The following ALK variants were observed in gnomAD, a reference collection of about 807,000 sequenced individuals.
ALK encodes the protein ALK tyrosine kinase receptor.
Under a neutral mutation model 163.1 loss-of-function variants are expected in ALK, and 74 were observed. That is an observed-to-expected ratio of 0.45 (90% CI 0.38 to 0.55). The LOEUF is 0.55. Among genes scored for constraint, ALK ranks in the 20% least tolerant of loss-of-function variants. The probability of loss-of-function intolerance (pLI) is 0.00; values close to 1 mark genes in which losing one functional copy is unlikely to be tolerated. For synonymous variants in ALK, 960 were observed against 843.2 expected, an observed-to-expected ratio of 1.14 and a Z score of -2.40; for missense variants, 2,063 against 2,105.3, an observed-to-expected ratio of 0.98 and a Z score of 0.39.
chr2:29,706,100 C>A (rs1000232458), intron 2 of ALK, among the ~76,000 whole-genome samples: 12 of 152,210 alleles, frequency 7.9e-5, no homozygotes, highest in African/African-American at 2.9e-4. Flanking sequence ...GTCACTTAAG[C>A]TTTCCAGACC....
chr2:29,499,853 G>C (rs1166519758), intron 4 of ALK, among the ~76,000 whole-genome samples: 1 of 151,992 alleles, frequency 6.6e-6, no homozygotes, highest in Non-Finnish European at 1.5e-5. Flanking sequence ...CCTTTCTCTT[G>C]TCACCCTTGC....
rs186582392 is a variant in ALK, at chr2:29,514,670, C to T, written c.1154+17245G>A. Among the ~76,000 whole-genome samples the T allele has an allele frequency of 1.0e-3, 158 of 152,298 alleles. 1 individual carries two copies. Among genetic ancestry groups the T allele is most frequent in the African/African-American group, 3.4e-3 (142 of 41,564 alleles). ...ACTTTTCTCTCCACACATGTGCCTC[C>T]GTCATTTTTGCCTGTTTTGGTGAAT... On this transcript the variant is annotated intron_variant, in intron 4 of 28. Transcript: ENST00000389048.
intron 4 of ALK, among the ~76,000 whole-genome samples, chr2:29,447,351 C>G (rs905297523): frequency 1.3e-5 from 2 of 152,150 alleles, no homozygotes; most frequent in African/African-American, 4.8e-5. Flanking sequence ...ATCACAGTAT[C>G]TGGGTAAGAC....
At chr2:29,916,948 G>A (rs557829707) in intron 1 of ALK, among the ~76,000 whole-genome samples, 1 of 152,234 alleles carries the variant, frequency 6.6e-6, no homozygotes, top group East Asian at 1.9e-4. Flanking sequence ...GGTGAATTTG[G>A]GATCTGCCTC....
intron 8 of ALK, among the ~76,000 whole-genome samples, chr2:29,312,661 T>C (rs1212750596): frequency 6.6e-6 from 1 of 152,206 alleles, no homozygotes; most frequent in African/African-American, 2.4e-5. Context: ...CCCAACATTA[T>C]GTCCTCCTGG....
intron 1 of ALK, among the ~76,000 whole-genome samples, chr2:29,810,954 A>G (rs1664743677): frequency 6.6e-6 from 1 of 152,110 alleles, no homozygotes; most frequent in Non-Finnish European, 1.5e-5. Flanking sequence ...GCTGTCTGCA[A>G]GCCAGGAAGA....
chr2:29,382,011 C>T (rs962929142), intron 5 of ALK, among the ~76,000 whole-genome samples: 24 of 152,186 alleles, frequency 1.6e-4, no homozygotes, highest in African/African-American at 3.6e-4. Context: ...TGACCACAGG[C>T]GGTCTGACCC....
chr2:29,671,822 C>T (rs372837468), intron 3 of ALK, among the ~76,000 whole-genome samples: 62 of 152,124 alleles, frequency 4.1e-4, no homozygotes, highest in African/African-American at 1.4e-3. Context: ...GTAAAACCAG[C>T]TTGCTTCTAC....
intron 7 of ALK, among the ~76,000 whole-genome samples, 177 bp from the exon 8 acceptor site, chr2:29,318,581 T>G (rs1444235105): frequency 2.0e-5 from 3 of 151,776 alleles, no homozygotes; most frequent in Non-Finnish European, 4.4e-5. Flanking sequence ...TTTTTTTTTT[T>G]TTTGAGACAG....
intron 9 of ALK, among the ~76,000 whole-genome samples, chr2:29,290,537 TG>T (rs1665994978): frequency 6.6e-6 from 1 of 152,076 alleles, no homozygotes; most frequent in African/African-American, 2.4e-5. Context: ...AGAGCAGATG[TG>T]GGGGGCACCC....
At chr2:29,607,566 G>T (rs1421328192) in intron 3 of ALK, among the ~76,000 whole-genome samples, 1 of 152,144 alleles carries the variant, frequency 6.6e-6, no homozygotes, top group Non-Finnish European at 1.5e-5. Flanking sequence ...CCTCCAGATA[G>T]CTAAAACCAA....
intron 16 of ALK, among the ~76,000 whole-genome samples, chr2:29,228,536 T>C (rs1232983543): frequency 6.6e-6 from 1 of 152,060 alleles, no homozygotes; most frequent in Non-Finnish European, 1.5e-5. Flanking sequence ...ACCAGCCCCT[T>C]CAGGAGCTGG....
chr2:29,305,601 A>G (rs1666488499), intron 8 of ALK, among the ~76,000 whole-genome samples: 1 of 152,098 alleles, frequency 6.6e-6, no homozygotes, highest in African/African-American at 2.4e-5. Flanking sequence ...TTATGTAAAT[A>G]CCCATGCCAA....
intron 1 of ALK, among the ~76,000 whole-genome samples, chr2:29,828,758 G>C (rs1389849181): frequency 2.6e-5 from 4 of 151,764 alleles, no homozygotes; most frequent in African/African-American, 9.7e-5. Context: ...ACAGTGTGGC[G>C]ATTCCTCAGG....
chr2:29,200,761 GTATATA>G (rs1360660368), intron 26 of ALK, among the ~76,000 whole-genome samples: 1 of 10,466 alleles, frequency 9.6e-5, no homozygotes, highest in Non-Finnish European at 1.6e-4. Flanking sequence ...ACGTATATAT[GTATATA>G]TATACGTATA....
intron 4 of ALK, among the ~76,000 whole-genome samples, chr2:29,523,382 T>C (rs576065168): frequency 5.6e-4 from 86 of 152,254 alleles, no homozygotes; most frequent in African/African-American, 2.0e-3. Flanking sequence ...GTGTCTGTCG[T>C]CCAACTCCAA....
intron 5 of ALK, among the ~76,000 whole-genome samples, chr2:29,363,461 C>T (rs942060530): frequency 1.3e-5 from 2 of 152,232 alleles, no homozygotes; most frequent in Admixed American, 6.5e-5. Flanking sequence ...TAGAAATCAC[C>T]TGGCCTCATC....
intron 1 of ALK, among the ~76,000 whole-genome samples, chr2:29,885,734 G>T (rs534942727): frequency 6.6e-6 from 1 of 152,238 alleles, no homozygotes; most frequent in East Asian, 1.9e-4. Context: ...AGCAGTTCCA[G>T]AAAACAAATT....
At chr2:29,247,105 TGCAGCGCCTTTCCCCCGGCCTCCGCG>T (rs1558636656) in intron 12 of ALK, among the ~76,000 whole-genome samples, 3 of 152,048 alleles carry the variant, frequency 2.0e-5, no homozygotes, top group Non-Finnish European at 2.9e-5. Context: ...CTCAGCTGAG[TGCAGCGCCTTTCCCCCGGCCTCCGCG>T]GCAGCGCCTT....
Sources: gnomAD v4.1 joint callset for allele counts (sites outside exome capture counted in the v4.1 genomes callset) on GRCh38, gnomAD v4.1.1 for gene constraint, MANE v1.5 for transcripts, NCBI Gene and HGNC (gene_info 2026-07-23, HGNC 2026-07-21) for gene names.